Variants in CDH12 observed in about 807,000 individuals in gnomAD.
CDH12 encodes the protein cadherin-12.
Under a neutral mutation model 74.1 loss-of-function variants are expected in CDH12, and 41 were observed. The observed-to-expected ratio is 0.55, with a 90% CI of 0.43 to 0.72. The LOEUF (loss-of-function observed/expected upper bound fraction) is 0.72. Ranked by LOEUF, CDH12 falls within the 30% of genes least tolerant of loss-of-function variation. The pLI is 0.00. For synonymous variants in CDH12, 399 were observed against 355.0 expected (o/e 1.12, Z -1.39); for missense variants, 945 against 977.2 (o/e 0.97, Z 0.44).
At chr5:22,250,524 T>C (rs1753101482) in intron 3 of CDH12, among the ~76,000 whole-genome samples, 1 of 152,168 alleles carries the variant, frequency 6.6e-6, no homozygotes, top group South Asian at 2.1e-4. Flanking sequence ...CACATGCTAT[T>C]TGTTAGATGT....
At chr5:22,039,139 TC>T (rs1739397499) in intron 5 of CDH12, among the ~76,000 whole-genome samples, 1 of 151,950 alleles carries the variant, frequency 6.6e-6, no homozygotes. Context: ...GGATCCAGGG[TC>T]TACTACATGG....
intron 4 of CDH12, among the ~76,000 whole-genome samples, chr5:22,206,295 A>T (rs191926137): frequency 5.6e-4 from 86 of 152,288 alleles, no homozygotes; most frequent in African/African-American, 1.9e-3. Flanking sequence ...TCTAAAAAAG[A>T]TCCCCAGATA....
At position 22,459,566 on chromosome 5, in the gene CDH12, T is replaced by A. The variant is rs1040212100; in HGVS notation, c.-428+45704A>T. ...GTGAATAAAACTCATGTGGCTGTGA[T>A]AATTATAGAAACACACTGACTTTGC... On this transcript the variant is annotated intron_variant, in intron 2 of 14. Coordinates refer to ENST00000382254, the MANE Select transcript of CDH12 (RefSeq NM_004061.5). Among the ~76,000 whole-genome samples, 7 of 152,326 alleles carry A rather than the reference T, an allele frequency of 4.6e-5. 1 individual carries two copies. In the South Asian group the frequency reaches 1.4e-3, roughly 32 times the overall value.
intron 3 of CDH12, among the ~76,000 whole-genome samples, chr5:22,379,813 A>G (rs1741684441): frequency 6.6e-6 from 1 of 152,098 alleles, no homozygotes; most frequent in Admixed American, 6.6e-5. Context: ...CAGAGTGCAA[A>G]GGTTTCATCA....
intron 4 of CDH12, among the ~76,000 whole-genome samples, chr5:22,103,659 G>T (rs1744273074): frequency 6.6e-6 from 1 of 152,196 alleles, no homozygotes; most frequent in South Asian, 2.1e-4. Flanking sequence ...TACAGCTCAT[G>T]AAGAAATGTG....
chr5:22,516,805 T>C (rs992904585), intron 1 of CDH12, among the ~76,000 whole-genome samples: 3 of 151,530 alleles, frequency 2.0e-5, no homozygotes, highest in Non-Finnish European at 4.4e-5. Flanking sequence ...AAAATAAAAA[T>C]TATAAGTAAA....
intron 5 of CDH12, among the ~76,000 whole-genome samples, chr5:22,023,489 A>T (rs1049739260): frequency 2.0e-5 from 3 of 151,716 alleles, no homozygotes; most frequent in Admixed American, 6.6e-5. Flanking sequence ...CTCTATATTT[A>T]TCTGTCTATT....
intron 3 of CDH12, among the ~76,000 whole-genome samples, chr5:22,370,221 C>CT (rs886738624): frequency 1.4e-4 from 22 of 152,080 alleles, no homozygotes; most frequent in Non-Finnish European, 5.9e-5. Flanking sequence ...ATCATATTTC[C>CT]TTTTTTGCAT....
intron 4 of CDH12, among the ~76,000 whole-genome samples, chr5:22,115,630 T>G (rs1364109017): frequency 2.0e-5 from 3 of 152,072 alleles, no homozygotes; most frequent in South Asian, 2.1e-4. Context: ...CCATTTCCTT[T>G]GTAGCAATAT....
intron 5 of CDH12, among the ~76,000 whole-genome samples, chr5:22,074,074 CCTT>C (rs1193854126): frequency 2.0e-5 from 3 of 152,086 alleles, no homozygotes; most frequent in African/African-American, 2.4e-5. Flanking sequence ...GCAAGAACAT[CCTT>C]CTTCTCTTCT....
chr5:22,285,259 T>A (rs1355350520), intron 3 of CDH12, among the ~76,000 whole-genome samples: 1 of 152,092 alleles, frequency 6.6e-6, no homozygotes, highest in African/African-American at 2.4e-5. Flanking sequence ...TTCCTTAAAA[T>A]AAATCTTGAG....
chr5:21,950,765 T>TA (rs1491256938), intron 6 of CDH12, among the ~76,000 whole-genome samples: 1 of 89,822 alleles, frequency 1.1e-5, no homozygotes, highest in Non-Finnish European at 2.0e-5. Context: ...ATTTTATTAT[T>TA]ATTATTATTA....
At chr5:22,529,715 C>T (rs942533036) in intron 1 of CDH12, among the ~76,000 whole-genome samples, 1 of 152,118 alleles carries the variant, frequency 6.6e-6, no homozygotes, top group African/African-American at 2.4e-5. Context: ...TACAATTGAC[C>T]ATCACAGTCC....
intron 1 of CDH12, among the ~76,000 whole-genome samples, chr5:22,535,937 T>C (rs1333923596): frequency 6.6e-6 from 1 of 152,238 alleles, no homozygotes; most frequent in African/African-American, 2.4e-5. Context: ...TTCTTGTTAT[T>C]ATTCCCTAAA....
chr5:22,350,536 A>G (rs967339237), intron 3 of CDH12, among the ~76,000 whole-genome samples: 7 of 152,164 alleles, frequency 4.6e-5, no homozygotes, highest in African/African-American at 1.7e-4. Flanking sequence ...TTAAAATTCA[A>G]TATCCAAGTA....
intron 1 of CDH12, among the ~76,000 whole-genome samples, chr5:22,742,517 C>CTCTGCTA (rs1355466632): frequency 3.9e-5 from 6 of 152,042 alleles, no homozygotes; most frequent in Non-Finnish European, 7.4e-5. Flanking sequence ...AAATGGGTTA[C>CTCTGCTA]TCTGCTATGT....
chr5:22,366,817 A>G (rs932429839), intron 3 of CDH12, among the ~76,000 whole-genome samples: 8 of 152,204 alleles, frequency 5.3e-5, no homozygotes, highest in African/African-American at 1.9e-4. Flanking sequence ...ATTTGAGTAT[A>G]ACTGAATGGA....
intron 2 of CDH12, among the ~76,000 whole-genome samples, chr5:22,485,247 T>C (rs1230006849): frequency 6.6e-6 from 1 of 152,102 alleles, no homozygotes; most frequent in Non-Finnish European, 1.5e-5. Context: ...AGTGGCCTCA[T>C]ATTAGTTCAC....
intron 2 of CDH12, among the ~76,000 whole-genome samples, chr5:22,458,270 G>A (rs1478631193): frequency 6.6e-6 from 1 of 152,084 alleles, no homozygotes; most frequent in Non-Finnish European, 1.5e-5. Context: ...TGTCTCTGTT[G>A]TCACATGACC....
Sources: allele counts gnomAD v4.1 joint callset (sites outside exome capture counted in the v4.1 genomes callset), GRCh38; gene constraint gnomAD v4.1.1; transcripts MANE v1.5; gene names NCBI Gene and HGNC (gene_info 2026-07-23, HGNC 2026-07-21).